The following WWP1 variants were observed in gnomAD, a reference collection of about 807,000 sequenced individuals.
The protein encoded by WWP1 is NEDD4-like E3 ubiquitin-protein ligase WWP1.
Under a neutral mutation model 130.6 loss-of-function variants are expected in WWP1, and 49 were observed. The observed-to-expected ratio is 0.38, with a 90% CI of 0.30 to 0.48. The LOEUF (loss-of-function observed/expected upper bound fraction) is 0.48, where lower values mean the gene tolerates loss of function less well. Among genes scored for constraint, WWP1 ranks in the 20% least tolerant of loss-of-function variants. WWP1 has a pLI of 0.99. For synonymous variants in WWP1, 332 were observed against 367.8 expected, an observed-to-expected ratio of 0.90 and a Z score of 1.11; for missense variants, 809 against 1,100.6, an observed-to-expected ratio of 0.74 and a Z score of 3.75.
At chr8:86,367,681 A>G (rs1158844758) in intron 1 of WWP1, among the ~76,000 whole-genome samples, 2 of 152,152 alleles carry the variant, frequency 1.3e-5, no homozygotes, top group East Asian at 1.9e-4. Context: ...TAAAACTCAG[A>G]CTTTGTTTTT....
chr8:86,429,568 A>G (rs1365403741), intron 11 of WWP1, among the ~76,000 whole-genome samples: 2 of 152,230 alleles, frequency 1.3e-5, no homozygotes, highest in Non-Finnish European at 2.9e-5. Flanking sequence ...GGAGGCATAC[A>G]TAAAAATGTG....
At chr8:86,416,800 C>G (rs945643240) in intron 9 of WWP1, among the ~76,000 whole-genome samples, 1 of 152,114 alleles carries the variant, frequency 6.6e-6, no homozygotes, top group Admixed American at 6.5e-5. Flanking sequence ...ATTTTCACTA[C>G]GGGATTATCT....
chr8:86,428,747 A>G (rs543498710), intron 11 of WWP1, among the ~76,000 whole-genome samples: 3 of 152,098 alleles, frequency 2.0e-5, no homozygotes, highest in Non-Finnish European at 2.9e-5. Context: ...TTGTACAGAA[A>G]TCTGTGGTAA....
chr8:86,373,985 A>G (rs1181132955), intron 2 of WWP1, 45 bp from the exon 3 acceptor site: 1 of 1,425,836 alleles, frequency 7.0e-7, no homozygotes, highest in African/African-American at 1.5e-5. Context: ...TGAAAATTAC[A>G]AACTCTTATC....
At chr8:86,451,472 G>C (rs1811177163) in intron 20 of WWP1, among the ~76,000 whole-genome samples, 1 of 152,088 alleles carries the variant, frequency 6.6e-6, no homozygotes, top group Non-Finnish European at 1.5e-5. Flanking sequence ...TAATGAGTGT[G>C]GTGGTAAAGG....
intron 1 of WWP1, among the ~76,000 whole-genome samples, chr8:86,360,511 G>T (rs1396361558): frequency 6.6e-6 from 1 of 152,162 alleles, no homozygotes; most frequent in Non-Finnish European, 1.5e-5. Context: ...CTATGCAGTA[G>T]GCCTTTCCTG....
intron 1 of WWP1, among the ~76,000 whole-genome samples, chr8:86,345,106 C>T (rs1199158541): frequency 1.3e-5 from 2 of 151,624 alleles, no homozygotes; most frequent in African/African-American, 2.4e-5. Context: ...GTGGTGCACG[C>T]GAATGGAAAG....
intron 9 of WWP1, among the ~76,000 whole-genome samples, chr8:86,420,070 A>G (rs540599834): frequency 6.6e-6 from 1 of 152,212 alleles, no homozygotes; most frequent in Admixed American, 6.5e-5. Flanking sequence ...TTTCTTAGAA[A>G]GCTACTAGGA....
rs539502419 is a variant in WWP1, at chr8:86,411,679, C to G, written c.866C>G (p.Ser289Cys). 4.2e-4 allele frequency: 673 copies of G among 1,614,132 alleles called. 3 individuals are homozygous for G. The South Asian group carries it at 7.0e-3, about 17-fold the overall frequency. Residue 289 changes from serine (S) to cysteine (C), a missense_variant, in exon 9 of 25, where the codon TCC (serine) becomes TGC (cysteine). Ser to Cys is a moderately radical substitution (Grantham distance 112). Coordinates refer to ENST00000517970, the MANE Select transcript of WWP1 (RefSeq NM_007013.4). ...CCTCCAGTTCAAGAAATACTGACTT[C>G]CTCAGAAAACAATGAATGTATTCCT... ...EDPPVQEILT[S>C]SENNECIPST...
At chr8:86,425,039 C>A (rs115577615) in intron 9 of WWP1, among the ~76,000 whole-genome samples, 184 bp from the exon 10 acceptor site, 3,578 of 151,946 alleles carry the variant, frequency 0.024, 143 homozygotes, top group African/African-American at 0.081. Flanking sequence ...TAAAAAAGTA[C>A]TAATAATTGA....
intron 11 of WWP1, among the ~76,000 whole-genome samples, chr8:86,430,178 G>A (rs1002536809): frequency 3.3e-5 from 5 of 152,170 alleles, no homozygotes; most frequent in African/African-American, 9.7e-5. Flanking sequence ...CCCAGTCTGG[G>A]TAATAGAGCA....
intron 23 of WWP1, 169 bp from the exon 24 acceptor site, chr8:86,461,592 TCTAATTCTTATTG>T: frequency 1.6e-6 from 1 of 643,034 alleles, no homozygotes; most frequent in Non-Finnish European, 2.8e-6. Context: ...TTCCCAATGA[TCTAATTCTTATTG>T]CTGGATCTCT....
In WWP1 at chr8:86,411,853, A is replaced by T; in HGVS notation, c.1040A>T (p.Asn347Ile). Residue 347 changes from asparagine (N) to isoleucine (I), a missense_variant, in exon 9 of 25, where the codon AAC becomes ATC. Transcript: ENST00000517970. ...GTACGGCAGCAGTCTGGGAATGCCA[A>T]CACAGAAACCTTGCCATCAGGGTAT... is the stretch of plus-strand genomic sequence containing the variant. ...DPVRQQSGNA[N>I]TETLPSGWEQ... The T allele has an allele frequency of 6.2e-7, 1 of 1,608,396 alleles. No homozygotes were observed. Among genetic ancestry groups the T allele is most frequent in the Non-Finnish European group, 8.5e-7 (1 of 1,176,048 alleles).
intron 5 of WWP1, among the ~76,000 whole-genome samples, chr8:86,391,716 G>T (rs569908993): frequency 2.0e-5 from 3 of 152,262 alleles, no homozygotes; most frequent in Non-Finnish European, 2.9e-5. Flanking sequence ...TGGAGGCTCA[G>T]TAGAGTCAGG....
In WWP1 at chr8:86,398,392, A is replaced by C. The variant is rs770487977; in HGVS notation, c.385A>C (p.Ile129Leu). The change falls in exon 6 of 25, where the codon ATA (isoleucine) becomes CTA (leucine). Residue 129 changes from isoleucine (I) to leucine (L), a missense_variant. Around this residue, in one of 3 missense-constraint regions of WWP1, gnomAD observed 262 missense variants for 346.0 expected, o/e 0.76. Transcript: ENST00000517970. ...ACTTTCCTTGGAAAACAAGAATGGC[A>C]TAGCACAAACTGGTGAATTGACAGT... ...LKLSLENKNG[I>L]AQTGELTVVL... 3.1e-6 allele frequency: 5 copies of C among 1,611,052 alleles called. No homozygotes were observed. Among genetic ancestry groups the C allele is most frequent in the Middle Eastern group, 1.8e-4 (1 of 5,538 alleles).
At chr8:86,425,039 CTAA>C (rs1468959022) in intron 9 of WWP1, among the ~76,000 whole-genome samples, 181 bp from the exon 10 acceptor site, 5 of 151,836 alleles carry the variant, frequency 3.3e-5, no homozygotes, top group African/African-American at 1.2e-4. Context: ...TAAAAAAGTA[CTAA>C]TAATTGAGAA....
At chr8:86,423,195 G>A (rs1314966763) in intron 9 of WWP1, among the ~76,000 whole-genome samples, 1 of 151,430 alleles carries the variant, frequency 6.6e-6, no homozygotes, top group African/African-American at 2.4e-5. Flanking sequence ...CAGAAAAAGG[G>A]TAATTTTTAT....
rs1811224907 is a variant in WWP1 at position 86,452,462 on chromosome 8, T to A, written c.2274-97T>A. 11 of 1,059,642 alleles carry A rather than the reference T, an allele frequency of 1.0e-5. No individual in the cohort carries two copies. The South Asian group carries it at 1.9e-4, about 18-fold the overall frequency. 65.6% of individuals were successfully genotyped at this position (1,059,642 alleles called of 1,614,324 possible). On this transcript the variant is annotated intron_variant, in intron 20 of 24. Transcript: ENST00000517970. Reference sequence around the variant, plus strand: ...TTATATGTTTATATATATGGCATATTTAGAAAAAGAGAAAGAACTATAGAA... The same window carrying A: ...TTATATGTTTATATATATGGCATATATAGAAAAAGAGAAAGAACTATAGAA...
chr8:86,345,705 C>T lies in WWP1; in HGVS notation c.-115+2775C>T, dbSNP rs188649652. 2.3e-4 allele frequency among the ~76,000 whole-genome samples: 35 copies of T among 152,138 alleles called. No homozygotes were observed. The East Asian group carries it at 5.8e-3, about 25-fold the overall frequency. On this transcript the variant is annotated intron_variant, in intron 1 of 24. Transcript: ENST00000517970. ...GGGATTACAGCGTAAGCCACCCTGC[C>T]GGGCCTACTGGGAGCTTTTTAAAAC...
Sources: allele counts gnomAD v4.1 joint callset (sites outside exome capture counted in the v4.1 genomes callset), GRCh38; gene constraint gnomAD v4.1.1; regional missense constraint gnomAD v4.1.1; transcripts MANE v1.5; gene names NCBI Gene and HGNC (gene_info 2026-07-23, HGNC 2026-07-21).